MGAM: variants seen among roughly 807,000 people sequenced by gnomAD.
MGAM encodes the protein maltase-glucoamylase, also known as alpha-1,4-glucosidase.
MGAM carries 253 observed loss-of-function variants against 358.8 expected under a neutral mutation model. The ratio of observed to expected loss-of-function variants is 0.71; its 90% CI spans 0.64 to 0.78. MGAM has a LOEUF of 0.78. Ranked by LOEUF, MGAM falls within the 30% of genes least tolerant of loss-of-function variation. MGAM has a pLI of 0.00. For synonymous variants in MGAM, 1,105 were observed against 1,227.1 expected, an observed-to-expected ratio of 0.90 and a Z score of 2.08; for missense variants, 3,080 against 3,432.6, an observed-to-expected ratio of 0.90 and a Z score of 2.57.
In MGAM at chr7:142,042,571, A is replaced by G. The variant is rs1584977956; in HGVS notation, c.2498+1725A>G. On this transcript the variant is annotated intron_variant, in intron 21 of 70. Coordinates refer to ENST00000475668, the MANE Select transcript of MGAM (RefSeq NM_001365693.1). ...TATATATACATATTATATATAATAT[A>G]TAATATATATTATATATACATATTA... Among the ~76,000 whole-genome samples, 2 of 46,346 alleles carry G rather than the reference A, an allele frequency of 4.3e-5. 1 individual carries two copies. Among genetic ancestry groups the G allele is most frequent in the Admixed American group, 8.5e-4 (2 of 2,344 alleles). 30.4% of individuals were successfully genotyped at this position (46,346 alleles called of 152,430 possible). A position where few individuals can be genotyped will look rare whatever the true frequency, so the allele number is the denominator to read the frequency against.
At chr7:142,058,548 G>A (rs1313790468) in intron 31 of MGAM, among the ~76,000 whole-genome samples, 1 of 152,224 alleles carries the variant, frequency 6.6e-6, no homozygotes, top group East Asian at 1.9e-4. Flanking sequence ...GCCAGAGTGG[G>A]AGATAGGCTG....
At chr7:142,064,334 G>A in intron 36 of MGAM, 50 bp from the exon 37 acceptor site, 1 of 1,575,452 alleles carries the variant, frequency 6.3e-7, no homozygotes, top group Non-Finnish European at 8.6e-7. Context: ...AGAAGTCAGG[G>A]AGAAACAGAA....
chr7:142,045,210 CAT>C (rs1304936221), intron 21 of MGAM, among the ~76,000 whole-genome samples: 3 of 11,368 alleles, frequency 2.6e-4, no homozygotes, highest in East Asian at 2.9e-3. Context: ...TATTATATAA[CAT>C]ATATGTATAT....
intron 21 of MGAM, among the ~76,000 whole-genome samples, chr7:142,041,953 TATATAATATATATATATTATATATATATA>T (rs1808712927): frequency 3.6e-4 from 8 of 22,440 alleles, no homozygotes; most frequent in Non-Finnish European, 3.6e-4. Flanking sequence ...TATATACATA[TATATAATATATATATATTATATATATATA>T]ATATAATATA....
chr7:142,002,778 A>T (rs528581669), intron 1 of MGAM, among the ~76,000 whole-genome samples: 1 of 152,058 alleles, frequency 6.6e-6, no homozygotes, highest in Non-Finnish European at 1.5e-5. Context: ...AACTGGAAAA[A>T]AGGAAGTCAA....
chr7:142,095,004 G>A, intron 63 of MGAM, 141 bp downstream of exon 63: 1 of 859,976 alleles, frequency 1.2e-6, no homozygotes, highest in Non-Finnish European at 1.7e-6. Flanking sequence ...TCATTCTATT[G>A]CCTAAGCTGG....
chr7:142,019,458 C>T (rs1554457645), intron 4 of MGAM, 139 bp downstream of exon 4: 4 of 913,088 alleles, frequency 4.4e-6, no homozygotes, highest in Non-Finnish European at 4.7e-6. Context: ...TGCTCTTAAT[C>T]GAGGACTAGA....
intron 10 of MGAM, among the ~76,000 whole-genome samples, chr7:142,029,502 A>G (rs1433076583): frequency 6.6e-6 from 1 of 152,110 alleles, no homozygotes; most frequent in African/African-American, 2.4e-5. Context: ...ATAGATAGAC[A>G]TTTCCTTTTT....
chr7:142,054,990 G>A, intron 27 of MGAM, 82 bp downstream of exon 27: 1 of 1,411,574 alleles, frequency 7.1e-7, no homozygotes, highest in South Asian at 1.3e-5. Context: ...ATGTATCCTG[G>A]TTCAAAACAT....
Position 142,071,019 on chromosome 7 carries a change from A to G in MGAM, c.5087A>G (p.Glu1696Gly), listed in dbSNP as rs369983796. Residue 1696 changes from glutamate to glycine, a missense_variant, in exon 44 of 71, where the codon GAG becomes GGG. Glu to Gly is a moderately conservative substitution (Grantham distance 98). Around this residue, in one of 5 missense-constraint regions of MGAM, gnomAD observed 932 missense variants for 1,198.2 expected, o/e 0.78. Transcript: ENST00000475668. ...GGTGTGGATATTAATGCAAGAGGAG[A>G]GTGGAAGACCTTGCCAGCCCCTCTT... ...YTGVDINARG[E>G]WKTLPAPLDH... 185 of 1,555,804 alleles carry G rather than the reference A, an allele frequency of 1.2e-4. 8 individuals carry two copies. The African/African-American group carries it at 2.3e-3, about 19-fold the overall frequency.
At chr7:142,005,447 A>G (rs2128982441) in intron 1 of MGAM, 82 bp from the exon 2 acceptor site, 3 of 1,051,814 alleles carry the variant, frequency 2.9e-6, no homozygotes, top group Middle Eastern at 6.3e-4. Context: ...CATTGCATAC[A>G]TTTGAGCTTT....
chr7:141,988,468 G>A (rs2128968687), intron 2 of MGAM, among the ~76,000 whole-genome samples: 1 of 151,990 alleles, frequency 6.6e-6, no homozygotes, highest in African/African-American at 2.4e-5. Flanking sequence ...AAGTTCAAGC[G>A]ATTCTCTTAC....
In MGAM at chr7:142,090,277, A is replaced by G. The variant is rs147825279; in HGVS notation, c.6811-1636A>G. Among the ~76,000 whole-genome samples, 445 of 146,052 alleles carry G rather than the reference A, an allele frequency of 3.0e-3. 70 individuals carry two copies. The highest frequency in any genetic ancestry group is 5.2e-3 in the Non-Finnish European group (334 of 64,430). The stretch of plus-strand genomic sequence containing the variant: ...GAAGTTCCTACATCATGGCTGGCCA[A>G]GTTCACCACGTGTACCCCATATGGG... On this transcript the variant is annotated intron_variant, in intron 57 of 70. Transcript: ENST00000475668.
intron 22 of MGAM, among the ~76,000 whole-genome samples, chr7:142,048,852 A>G (rs1488539817): frequency 6.6e-6 from 1 of 152,208 alleles, no homozygotes; most frequent in African/African-American, 2.4e-5. Flanking sequence ...AAATATATTC[A>G]AAGTGGACAA....
chr7:142,088,483 A>G lies in MGAM; in HGVS notation c.6810+1766A>G, dbSNP rs1011593687. ...TATGTACGTATCTATCTATCTACCTATCTCAGTCTATCATATCTATGTATC... is the reference window on the plus strand; with the variant it reads ...TATGTACGTATCTATCTATCTACCTGTCTCAGTCTATCATATCTATGTATC... On this transcript the variant is annotated intron_variant, in intron 57 of 70. Coordinates refer to ENST00000475668, the MANE Select transcript of MGAM (RefSeq NM_001365693.1). Among the ~76,000 whole-genome samples the G allele has an allele frequency of 1.2e-4, 18 of 144,432 alleles. 1 individual carries two copies. Among genetic ancestry groups the G allele is most frequent in the African/African-American group, 4.4e-4 (18 of 40,860 alleles). The allele number at this position is 144,432 out of a possible 152,430, so 94.8% of individuals were successfully genotyped here.
At chr7:142,067,959 TA>T (rs1812947420) in intron 42 of MGAM, among the ~76,000 whole-genome samples, 3 of 36,104 alleles carry the variant, frequency 8.3e-5, no homozygotes, top group African/African-American at 2.3e-4. Context: ...TATATATATA[TA>T]TATAAATATA....
rs1816049206 is a variant in MGAM, at chr7:142,097,623, A to G, written c.7723A>G (p.Arg2575Gly). The G allele has an allele frequency of 6.2e-7, 1 of 1,612,274 alleles. No homozygotes were observed. Reference sequence around the variant, plus strand: ...CAGAAATGTCACTGCATATTTCCCTAGAGCCCGCTGGTATGATTACTACAC... The same window carrying G: ...CAGAAATGTCACTGCATATTTCCCTGGAGCCCGCTGGTATGATTACTACAC... ...NARNVTAYFPRARWYDYYTGV... is the reference protein window; with the variant it reads ...NARNVTAYFPGARWYDYYTGV... The change falls in exon 66 of 71, where the codon AGA becomes GGA. Residue 2575 changes from arginine to glycine, a missense_variant. Physicochemically the swap from Arg to Gly is moderately radical, Grantham distance 125. This residue lies in a region of MGAM where 932 missense variants were observed against 1,198.2 expected (regional missense o/e 0.78). Transcript: ENST00000475668.
chr7:142,047,374 G>A (rs556655627), intron 21 of MGAM, among the ~76,000 whole-genome samples: 1 of 152,246 alleles, frequency 6.6e-6, no homozygotes, highest in African/African-American at 2.4e-5. Flanking sequence ...TCCTTAGGCA[G>A]GCGAAAATGT....
intron 14 of MGAM, 24 bp downstream of exon 14, chr7:142,032,933 T>G (rs1165023924): frequency 3.4e-6 from 5 of 1,474,870 alleles, no homozygotes; most frequent in Non-Finnish European, 4.7e-6. Context: ...GTCAGCAGAT[T>G]AAAGTAGCCA....
Sources: allele counts gnomAD v4.1 joint callset (sites outside exome capture counted in the v4.1 genomes callset), GRCh38; gene constraint gnomAD v4.1.1; regional missense constraint gnomAD v4.1.1; transcripts MANE v1.5; gene names NCBI Gene and HGNC (gene_info 2026-07-23, HGNC 2026-07-21).